The following RIMBP2 variants were observed in gnomAD, a reference collection of about 807,000 sequenced individuals.
RIMBP2 encodes RIMS binding protein 2.
Under a neutral mutation model 118.6 loss-of-function variants are expected in RIMBP2, and 48 were observed. That is an observed-to-expected ratio of 0.40 (90% confidence interval 0.32 to 0.51). The LOEUF is 0.51. Among genes scored for constraint, RIMBP2 ranks in the 20% least tolerant of loss-of-function variants. The pLI, the probability that RIMBP2 is intolerant of heterozygous loss-of-function variation, is 0.41. For missense variants in RIMBP2, 1,551 were observed against 1,768.3 expected (o/e 0.88, Z 2.20); for synonymous variants, 762 against 742.9 (o/e 1.03, Z -0.42).
intron 1 of RIMBP2, among the ~76,000 whole-genome samples, chr12:130,639,469 T>C (rs1198264394): frequency 1.4e-5 from 1 of 70,756 alleles, no homozygotes; most frequent in Non-Finnish European, 2.5e-5. Context: ...TCCAGACTAA[T>C]AGAACAAGAT....
At position 130,469,752 on chromosome 12, in the gene RIMBP2, G is replaced by T. The variant is rs1160442862; in HGVS notation, c.153+941C>A. ...TGCTCCCCCAGGGACACAGGACAAG[G>T]TCATTCTGAAGAGGGCAGCCTCATC... is the stretch of plus-strand genomic sequence containing the variant. On this transcript the variant is annotated intron_variant, in intron 6 of 22. Coordinates refer to ENST00000690449, the MANE Select transcript of RIMBP2 (RefSeq NM_001393629.1). This position sits in a 1 kb window ranked among gnomAD's most constrained non-coding sequence, Gnocchi z 4.8. Among the ~76,000 whole-genome samples the T allele has an allele frequency of 1.3e-5, 2 of 152,212 alleles. No individual in the cohort carries two copies. Among genetic ancestry groups the T allele is most frequent in the African/African-American group, 4.8e-5 (2 of 41,452 alleles).
chr12:130,543,380 TAAAAAGTTTA>T (rs2054786533), intron 2 of RIMBP2, among the ~76,000 whole-genome samples: 3 of 152,222 alleles, frequency 2.0e-5, no homozygotes, highest in Non-Finnish European at 4.4e-5. Context: ...AAACACATTC[TAAAAAGTTTA>T]AATTACTTGT....
At chr12:130,640,439 C>G (rs1472826600) in intron 1 of RIMBP2, among the ~76,000 whole-genome samples, 2 of 152,170 alleles carry the variant, frequency 1.3e-5, no homozygotes, top group South Asian at 2.1e-4. Context: ...GTGTATCGTG[C>G]TATTTTCTAA....
At chr12:130,639,711 C>T (rs534024100) in intron 1 of RIMBP2, among the ~76,000 whole-genome samples, 1 of 152,166 alleles carries the variant, frequency 6.6e-6, no homozygotes, top group Non-Finnish European at 1.5e-5. Flanking sequence ...TACTCCCAGT[C>T]CCCGAATGGC....
chr12:130,709,115 G>T (rs1323731614), intron 1 of RIMBP2, among the ~76,000 whole-genome samples: 1 of 152,264 alleles, frequency 6.6e-6, no homozygotes, highest in Non-Finnish European at 1.5e-5. Context: ...CATTTGAGCT[G>T]GAAAAGCTGT....
chr12:130,671,104 T>C (rs750515757), intron 1 of RIMBP2, among the ~76,000 whole-genome samples: 19 of 152,144 alleles, frequency 1.2e-4, no homozygotes, highest in Non-Finnish European at 1.8e-4. Context: ...TAGAAGGGGC[T>C]AGATGGGGCT....
intron 4 of RIMBP2, among the ~76,000 whole-genome samples, chr12:130,491,660 G>T (rs1333006393): frequency 6.6e-6 from 1 of 152,174 alleles, no homozygotes; most frequent in Admixed American, 6.5e-5. Flanking sequence ...TTCCCAAAGG[G>T]AGTCTGAAAA....
intron 2 of RIMBP2, among the ~76,000 whole-genome samples, chr12:130,534,090 C>T (rs1359523966): frequency 2.0e-5 from 3 of 149,768 alleles, no homozygotes; most frequent in Non-Finnish European, 3.0e-5. Context: ...CGCTTGAACA[C>T]AGAAGGCAGA....
intron 3 of RIMBP2, among the ~76,000 whole-genome samples, chr12:130,509,308 ACT>A (rs1352884538): frequency 2.6e-5 from 4 of 151,790 alleles, no homozygotes; most frequent in Middle Eastern, 3.4e-3. Context: ...CCCCATAAAA[ACT>A]CTGGCTGCTG....
At chr12:130,459,376 G>A (rs1049819089) in intron 6 of RIMBP2, among the ~76,000 whole-genome samples, 2 of 151,828 alleles carry the variant, frequency 1.3e-5, no homozygotes, top group Non-Finnish European at 1.5e-5. Context: ...CCAGCTTCCC[G>A]GCTTTGAGAA....
chr12:130,694,611 T>A (rs1467687011), intron 1 of RIMBP2, among the ~76,000 whole-genome samples: 1 of 152,184 alleles, frequency 6.6e-6, no homozygotes, highest in East Asian at 1.9e-4. Flanking sequence ...TCCACGGCCC[T>A]CCCGTAGAGA....
At chr12:130,414,035 T>C in intron 18 of RIMBP2, 90 bp downstream of exon 18, 1 of 1,379,336 alleles carries the variant, frequency 7.2e-7, no homozygotes, top group Non-Finnish European at 1.0e-6. Flanking sequence ...AGGCCATCTC[T>C]AAGTCGATAC....
At chr12:130,534,127 C>T (rs1232043298) in intron 2 of RIMBP2, among the ~76,000 whole-genome samples, 1 of 149,498 alleles carries the variant, frequency 6.7e-6, no homozygotes, top group African/African-American at 2.5e-5. Context: ...GATCACACCC[C>T]TGCACTTCAG....
chr12:130,400,373 C>A (rs1452691056), intron 21 of RIMBP2, among the ~76,000 whole-genome samples: 2 of 152,206 alleles, frequency 1.3e-5, no homozygotes, highest in Non-Finnish European at 2.9e-5. Context: ...CTGTTGATAA[C>A]CTCCTCAGAC....
At chr12:130,536,083 C>G (rs1337259487) in intron 2 of RIMBP2, among the ~76,000 whole-genome samples, 1 of 151,914 alleles carries the variant, frequency 6.6e-6, no homozygotes, top group Non-Finnish European at 1.5e-5. Flanking sequence ...GCCATCACGC[C>G]CAGTTGCAGC....
intron 12 of RIMBP2, 28 bp downstream of exon 12, chr12:130,438,337 C>CCAA: frequency 1.6e-6 from 2 of 1,214,104 alleles, no homozygotes; most frequent in Non-Finnish European, 2.4e-6. Flanking sequence ...CCTAACAAAC[C>CCAA]CTCCCCACCC....
In RIMBP2 at chr12:130,437,233, C is replaced by T. The variant is rs1357865239; in HGVS notation, c.1715G>A (p.Arg572Gln). The change falls in exon 13 of 23, where the codon CGG becomes CAG. Residue 572 changes from arginine (R) to glutamine (Q), a missense_variant. Transcript: ENST00000690449. ...DSTAVELVRL[R>Q]SLEAKGVTVR... ...GGTCACGCCCTTGGCCTCCAGGCTCCGCAGCCGCACAAGCTCCACGGCCGT... is the reference window on the plus strand; with the variant it reads ...GGTCACGCCCTTGGCCTCCAGGCTCTGCAGCCGCACAAGCTCCACGGCCGT... The T allele has an allele frequency of 1.5e-5, 23 of 1,585,132 alleles. No homozygotes were observed. Among genetic ancestry groups the T allele is most frequent in the Non-Finnish European group, 1.9e-5 (22 of 1,171,272 alleles).
At chr12:130,691,928 G>C (rs556933758) in intron 1 of RIMBP2, among the ~76,000 whole-genome samples, 2 of 152,166 alleles carry the variant, frequency 1.3e-5, no homozygotes, top group African/African-American at 4.8e-5. Flanking sequence ...GCAGGGGGAC[G>C]GGTTTCTAGA....
At chr12:130,592,613 C>A (rs1349888927) in intron 2 of RIMBP2, among the ~76,000 whole-genome samples, 1 of 151,392 alleles carries the variant, frequency 6.6e-6, no homozygotes, top group African/African-American at 2.4e-5. Flanking sequence ...CACTTCAACC[C>A]GGACGGCAGA....
Sources: allele counts gnomAD v4.1 joint callset (sites outside exome capture counted in the v4.1 genomes callset), GRCh38; gene constraint gnomAD v4.1.1; non-coding constraint Gnocchi (gnomAD v3.1); transcripts MANE v1.5; gene names NCBI Gene and HGNC (gene_info 2026-07-23, HGNC 2026-07-21).